Variants in ITGA9 observed in about 807,000 individuals in gnomAD.
The protein encoded by ITGA9 is integrin subunit alpha 9.
A neutral mutation model predicts 127.8 loss-of-function variants in ITGA9; 56 were observed. The observed-to-expected ratio is 0.44, with a 90% confidence interval of 0.35 to 0.55. The LOEUF (loss-of-function observed/expected upper bound fraction) is 0.55, where lower values mean the gene tolerates loss of function less well. Among genes scored for constraint, ITGA9 ranks in the 20% least tolerant of loss-of-function variants. The pLI is 0.00. For missense variants in ITGA9, 1,196 were observed against 1,347.1 expected (o/e 0.89, Z 1.76); for synonymous variants, 508 against 514.5 (o/e 0.99, Z 0.17).
chr3:37,809,253 G>T (rs1386379032), intron 27 of ITGA9, among the ~76,000 whole-genome samples: 1 of 151,736 alleles, frequency 6.6e-6, no homozygotes, highest in Non-Finnish European at 1.5e-5. Flanking sequence ...GCCTGGCTAA[G>T]TTTTGTATTT....
intron 16 of ITGA9, among the ~76,000 whole-genome samples, chr3:37,646,115 C>T (rs1700373722): frequency 6.6e-6 from 1 of 152,162 alleles, no homozygotes; most frequent in Non-Finnish European, 1.5e-5. Flanking sequence ...AGAAACATAG[C>T]CAAATATTCT....
In ITGA9 at chr3:37,526,040, G is replaced by A. The variant is rs752637084; in HGVS notation, c.1342G>A (p.Ala448Thr). Residue 448 changes from alanine (A) to threonine (T), a missense_variant, in exon 13 of 28, where the codon GCC (alanine) becomes ACC (threonine). Ala to Thr is a moderately conservative substitution (Grantham distance 58). Transcript: ENST00000264741. ...CTCATTTTCAGATGTCACTGTTGGA[G>A]CCTTCATGTCCGACAGCGTGGTTCT... is the stretch of plus-strand genomic sequence containing the variant. The part of the protein sequence containing the change: ...GNGYPDVTVG[A>T]FMSDSVVLLR... 3 of 1,614,092 alleles carry A rather than the reference G, an allele frequency of 1.9e-6. No homozygotes were observed. In the South Asian group the frequency reaches 3.3e-5, roughly 18 times the overall value.
At chr3:37,718,869 C>T (rs574021157) in intron 18 of ITGA9, among the ~76,000 whole-genome samples, 1 of 152,298 alleles carries the variant, frequency 6.6e-6, no homozygotes, top group Non-Finnish European at 1.5e-5. Flanking sequence ...CTTTCCAGCA[C>T]TGTTATGCAA....
At chr3:37,457,008 T>G (rs1005247518) in intron 1 of ITGA9, among the ~76,000 whole-genome samples, 1 of 152,178 alleles carries the variant, frequency 6.6e-6, no homozygotes, top group African/African-American at 2.4e-5. Flanking sequence ...AAAGTTCTAC[T>G]GGGCAGTGTG....
intron 15 of ITGA9, among the ~76,000 whole-genome samples, chr3:37,555,060 C>G (rs1699417200): frequency 6.6e-6 from 1 of 152,160 alleles, no homozygotes; most frequent in Non-Finnish European, 1.5e-5. Context: ...GCTGTGGACA[C>G]TCCAACACTA....
At chr3:37,646,078 T>G (rs1299385263) in intron 16 of ITGA9, among the ~76,000 whole-genome samples, 1 of 152,124 alleles carries the variant, frequency 6.6e-6, no homozygotes, top group Non-Finnish European at 1.5e-5. Context: ...CATTGAAATC[T>G]TTTTTTTCCT....
At chr3:37,746,383 A>C (rs545059268) in intron 22 of ITGA9, among the ~76,000 whole-genome samples, 2 of 152,378 alleles carry the variant, frequency 1.3e-5, no homozygotes, top group South Asian at 4.1e-4. Flanking sequence ...AAACAGACAC[A>C]TTAATTTCTC....
At chr3:37,730,172 C>G (rs1419359165) in intron 18 of ITGA9, among the ~76,000 whole-genome samples, 1 of 152,110 alleles carries the variant, frequency 6.6e-6, no homozygotes, top group East Asian at 1.9e-4. Context: ...CACACACATA[C>G]ACTTATATAT....
intron 22 of ITGA9, chr3:37,748,069 G>A (rs573160473): frequency 4.1e-5 from 16 of 387,326 alleles, no homozygotes; most frequent in East Asian, 1.4e-4. Context: ...AAGAAATTTC[G>A]GCCTTTTGGC....
intron 27 of ITGA9, chr3:37,808,493 GA>G: frequency 1.3e-5 from 2 of 152,324 alleles, no homozygotes; most frequent in Non-Finnish European, 2.9e-5. Flanking sequence ...GCTCCTGCAG[GA>G]TTTCATCGTT....
At chr3:37,455,234 A>G (rs197730) in intron 1 of ITGA9, among the ~76,000 whole-genome samples, 71,038 of 151,904 alleles carry the variant, frequency 0.47, 17,061 homozygotes, top group African/African-American at 0.5. Flanking sequence ...CTTGAGGGAC[A>G]TGTCAGTCAT....
At chr3:37,742,375 C>T (rs1470280965) in intron 21 of ITGA9, among the ~76,000 whole-genome samples, 2 of 152,172 alleles carry the variant, frequency 1.3e-5, no homozygotes, top group African/African-American at 4.8e-5. Flanking sequence ...ACCATCCCAT[C>T]GGCCACACTG....
intron 23 of ITGA9, among the ~76,000 whole-genome samples, chr3:37,776,817 C>G (rs757642269): frequency 6.6e-6 from 1 of 152,168 alleles, no homozygotes; most frequent in Non-Finnish European, 1.5e-5. Context: ...TTTTTGGTAG[C>G]AAAACTCTGG....
chr3:37,627,517 A>G (rs1332938790), intron 15 of ITGA9, among the ~76,000 whole-genome samples: 1 of 152,188 alleles, frequency 6.6e-6, no homozygotes, highest in Non-Finnish European at 1.5e-5. Flanking sequence ...TAGGACTACC[A>G]CCGCTTACTT....
chr3:37,630,279 G>T (rs1375151924), intron 16 of ITGA9, among the ~76,000 whole-genome samples: 1 of 152,210 alleles, frequency 6.6e-6, no homozygotes, highest in African/African-American at 2.4e-5. Flanking sequence ...CCAAGGCATC[G>T]CATTATCTCC....
At chr3:37,812,780 C>T (rs770886708) in intron 27 of ITGA9, among the ~76,000 whole-genome samples, 1 of 152,246 alleles carries the variant, frequency 6.6e-6, no homozygotes, top group Non-Finnish European at 1.5e-5. Flanking sequence ...TTAACAGAGC[C>T]GCTTGCCCCT....
At chr3:37,732,677 G>T in intron 18 of ITGA9, 35 bp from the exon 19 acceptor site, 2 of 1,541,444 alleles carry the variant, frequency 1.3e-6, no homozygotes, top group Non-Finnish European at 1.8e-6. Context: ...TGCCTTTTGT[G>T]CAGCCGGCCC....
chr3:37,816,571 G>A (rs544873641), intron 27 of ITGA9, among the ~76,000 whole-genome samples: 6 of 152,268 alleles, frequency 3.9e-5, no homozygotes, highest in South Asian at 2.1e-4. Context: ...GTCTTGGTCC[G>A]TTTTTCTGGC....
chr3:37,809,669 TAAA>T (rs1292040211), intron 27 of ITGA9, among the ~76,000 whole-genome samples: 3 of 152,152 alleles, frequency 2.0e-5, no homozygotes, highest in Admixed American at 2.0e-4. Flanking sequence ...TTGAGACTTA[TAAA>T]GTCTCAAAAG....
Sources: allele counts gnomAD v4.1 joint callset (sites outside exome capture counted in the v4.1 genomes callset), GRCh38; gene constraint gnomAD v4.1.1; transcripts MANE v1.5; gene names NCBI Gene and HGNC (gene_info 2026-07-23, HGNC 2026-07-21).